AGBL4: variants seen among roughly 807,000 people sequenced by gnomAD.
The protein encoded by AGBL4 is AGBL carboxypeptidase 4.
In AGBL4, 58 loss-of-function variants were observed where a neutral mutation model predicts 66.4. The observed-to-expected ratio is 0.87, with a 90% CI of 0.71 to 1.09. The LOEUF (loss-of-function observed/expected upper bound fraction) is 1.09, where lower values mean the gene tolerates loss of function less well. AGBL4 is among the 50% of genes least tolerant of loss of function. AGBL4 has a pLI of 0.00. For missense variants in AGBL4, 579 were observed against 631.0 expected, an observed-to-expected ratio of 0.92 and a Z score of 0.88; for synonymous variants, 234 against 222.9, an observed-to-expected ratio of 1.05 and a Z score of -0.44.
chr1:48,797,228 C>A (rs771362942), intron 6 of AGBL4, among the ~76,000 whole-genome samples: 3 of 152,136 alleles, frequency 2.0e-5, no homozygotes, highest in Non-Finnish European at 4.4e-5. Context: ...TAATGACTTT[C>A]TTTTATTTTA....
chr1:48,990,462 A>G (rs549198484), intron 5 of AGBL4, among the ~76,000 whole-genome samples: 1 of 152,242 alleles, frequency 6.6e-6, no homozygotes, highest in African/African-American at 2.4e-5. Context: ...ATTTTTGCAA[A>G]GACCAATGTC....
rs556140024 is a variant in AGBL4, at chr1:49,042,776, T to C, written c.594+2808A>G. Among the ~76,000 whole-genome samples, 7 of 152,302 alleles carry C rather than the reference T, an allele frequency of 4.6e-5. No homozygotes were observed. In the South Asian group the frequency reaches 1.5e-3, roughly 32 times the overall value. On this transcript the variant is annotated intron_variant, in intron 5 of 13. Coordinates refer to ENST00000371839, the MANE Select transcript of AGBL4 (RefSeq NM_032785.4). ...GAAATAAACGTCTATCATGTTTAAG[T>C]TGTAATTTTATATATGTTATTTTGA...
chr1:49,025,919 G>T (rs186707399), intron 5 of AGBL4, among the ~76,000 whole-genome samples: 4 of 152,246 alleles, frequency 2.6e-5, no homozygotes, highest in Non-Finnish European at 5.9e-5. Flanking sequence ...CATTTGCTCA[G>T]AGAATGGGAG....
intron 3 of AGBL4, among the ~76,000 whole-genome samples, chr1:49,642,076 G>A (rs891634225): frequency 2.0e-5 from 3 of 151,708 alleles, no homozygotes; most frequent in Non-Finnish European, 2.9e-5. Context: ...AGCAATTAGA[G>A]TAATATTTTC....
intron 11 of AGBL4, among the ~76,000 whole-genome samples, chr1:48,565,292 G>A (rs541722449): frequency 1.3e-5 from 2 of 152,052 alleles, no homozygotes; most frequent in Non-Finnish European, 2.9e-5. Context: ...GAGTCCAGCC[G>A]AGGGCCCTAT....
chr1:49,050,854 G>T (rs1010198239), intron 4 of AGBL4, among the ~76,000 whole-genome samples: 2 of 152,052 alleles, frequency 1.3e-5, no homozygotes, highest in Non-Finnish European at 2.9e-5. Flanking sequence ...TTAAAGAGGA[G>T]CTCAACGTAT....
intron 3 of AGBL4, among the ~76,000 whole-genome samples, chr1:49,500,898 A>G (rs570719235): frequency 2.0e-5 from 3 of 152,096 alleles, no homozygotes; most frequent in South Asian, 4.1e-4. Context: ...GGATTCAGTT[A>G]TCTAGTTCTG....
chr1:49,433,711 T>A (rs932242842), intron 3 of AGBL4, among the ~76,000 whole-genome samples: 4 of 152,182 alleles, frequency 2.6e-5, no homozygotes, highest in Admixed American at 1.3e-4. Flanking sequence ...ACCTTTTTAG[T>A]AGTTGTATTG....
chr1:49,397,266 T>C (rs1177646415), intron 3 of AGBL4, among the ~76,000 whole-genome samples: 10 of 151,108 alleles, frequency 6.6e-5, no homozygotes, highest in Non-Finnish European at 1.3e-4. Context: ...AAAAAAAAAA[T>C]CCTTCTCAGG....
chr1:49,991,359 G>A (rs1659928261), intron 1 of AGBL4, among the ~76,000 whole-genome samples: 1 of 151,988 alleles, frequency 6.6e-6, no homozygotes, highest in African/African-American at 2.4e-5. Context: ...TTCAATATAT[G>A]TATAAATAAT....
intron 2 of AGBL4, among the ~76,000 whole-genome samples, chr1:49,729,399 C>T (rs932761064): frequency 6.6e-6 from 1 of 152,052 alleles, no homozygotes; most frequent in South Asian, 2.1e-4. Context: ...AATTAAGAAA[C>T]CGAATTTTAT....
chr1:48,821,135 T>C, intron 6 of AGBL4, among the ~76,000 whole-genome samples: 1 of 151,900 alleles, frequency 6.6e-6, no homozygotes, highest in South Asian at 2.1e-4. Context: ...AGAAAAGGGA[T>C]ATGTTGATGG....
At chr1:48,630,979 C>T (rs1430974743) in intron 9 of AGBL4, among the ~76,000 whole-genome samples, 2 of 152,158 alleles carry the variant, frequency 1.3e-5, no homozygotes, top group East Asian at 3.9e-4. Flanking sequence ...TCTATAAATG[C>T]ACCTAGAATA....
chr1:49,357,436 G>A (rs889677973), intron 3 of AGBL4, among the ~76,000 whole-genome samples: 1 of 152,182 alleles, frequency 6.6e-6, no homozygotes, highest in Non-Finnish European at 1.5e-5. Flanking sequence ...GAGATCCACT[G>A]TAAGGATGGA....
At chr1:48,998,845 A>G (rs1661196597) in intron 5 of AGBL4, among the ~76,000 whole-genome samples, 1 of 152,220 alleles carries the variant, frequency 6.6e-6, no homozygotes, top group African/African-American at 2.4e-5. Context: ...ACATAGGGAA[A>G]CATACTTGAG....
intron 6 of AGBL4, among the ~76,000 whole-genome samples, chr1:48,690,651 TCC>T (rs1646614695): frequency 6.6e-6 from 1 of 151,988 alleles, no homozygotes; most frequent in Non-Finnish European, 1.5e-5. Flanking sequence ...GTCCTATTTT[TCC>T]ATACAAAATA....
chr1:49,724,824 G>A (rs1296151627), intron 2 of AGBL4, among the ~76,000 whole-genome samples: 2 of 152,092 alleles, frequency 1.3e-5, no homozygotes, highest in Non-Finnish European at 2.9e-5. Context: ...GCAAGAAGAA[G>A]GTCAGGAAGG....
In AGBL4 at chr1:48,641,181, C is replaced by T. The variant is rs140491160; in HGVS notation, c.840-6577G>A. On this transcript the variant is annotated intron_variant, in intron 8 of 13. Transcript: ENST00000371839. ...AAAATAAATATTGCTTTATTTAATG[C>T]CACTAAAAGGTTGGGATTCAATTGC... 2.2e-3 allele frequency among the ~76,000 whole-genome samples: 332 copies of T among 152,260 alleles called. 1 individual carries two copies. Among genetic ancestry groups the T allele is most frequent in the African/African-American group, 7.7e-3 (320 of 41,530 alleles).
intron 3 of AGBL4, among the ~76,000 whole-genome samples, chr1:49,562,505 C>T (rs1644075577): frequency 6.6e-6 from 1 of 152,086 alleles, no homozygotes; most frequent in Non-Finnish European, 1.5e-5. Flanking sequence ...AGGAAGGGAT[C>T]CAGTTTCAGC....
Sources: allele counts gnomAD v4.1 joint callset (sites outside exome capture counted in the v4.1 genomes callset), GRCh38; gene constraint gnomAD v4.1.1; transcripts MANE v1.5; gene names NCBI Gene and HGNC (gene_info 2026-07-23, HGNC 2026-07-21).